The following NAALADL2 variants were observed in gnomAD, a reference collection of about 807,000 sequenced individuals.
NAALADL2 encodes N-acetylated alpha-linked acidic dipeptidase like 2.
In NAALADL2, 76 loss-of-function variants were observed where a neutral mutation model predicts 87.2. The ratio of observed to expected loss-of-function variants is 0.87; its 90% CI spans 0.72 to 1.05. NAALADL2 has a LOEUF of 1.05. NAALADL2 is among the 50% of genes least tolerant of loss of function. NAALADL2 has a pLI of 0.00. For synonymous variants in NAALADL2, 354 were observed against 331.0 expected (o/e 1.07, Z -0.75); for missense variants, 1,089 against 945.8 (o/e 1.15, Z -1.99).
chr3:175,688,137 A>G (rs1295416261), intron 11 of NAALADL2, among the ~76,000 whole-genome samples: 1 of 152,150 alleles, frequency 6.6e-6, no homozygotes, highest in Non-Finnish European at 1.5e-5. Context: ...AAGGTCCTGT[A>G]TGTAAGCTCT....
intron 5 of NAALADL2, among the ~76,000 whole-genome samples, chr3:175,419,952 A>C (rs1418201561): frequency 2.0e-5 from 3 of 152,030 alleles, no homozygotes; most frequent in African/African-American, 7.2e-5. Context: ...TACAAAGGCA[A>C]GGTTTATCTG....
chr3:175,347,493 A>G (rs1171802078), intron 5 of NAALADL2, among the ~76,000 whole-genome samples: 1 of 152,154 alleles, frequency 6.6e-6, no homozygotes, highest in Admixed American at 6.6e-5. Context: ...GGAATATACT[A>G]CACAATCACA....
At chr3:174,832,601 A>G (rs1722856165) in intron 3 of NAALADL2, among the ~76,000 whole-genome samples, 1 of 152,122 alleles carries the variant, frequency 6.6e-6, no homozygotes, top group Non-Finnish European at 1.5e-5. Context: ...AGCTGAGACT[A>G]CAGGTGGCTG....
chr3:174,609,208 T>C lies in NAALADL2; in HGVS notation c.-115+58571T>C, dbSNP rs564086954. ...TATGACAACCCCACAGCCAATATCA[T>C]ATTGAATGGGCAAAAACTGGAAGCA... On this transcript the variant is annotated intron_variant, in intron 2 of 3. Transcript: ENST00000434257. 4.9e-3 allele frequency among the ~76,000 whole-genome samples: 750 copies of C among 152,308 alleles called. 5 individuals carry two copies. Among genetic ancestry groups the C allele is most frequent in the African/African-American group, 0.017 (712 of 41,576 alleles).
chr3:174,946,430 T>C (rs940830950), intron 1 of NAALADL2, among the ~76,000 whole-genome samples: 9 of 152,252 alleles, frequency 5.9e-5, no homozygotes, highest in South Asian at 2.1e-4. Flanking sequence ...CAAAGTGTAA[T>C]GTTTATGTCA....
intron 2 of NAALADL2, among the ~76,000 whole-genome samples, chr3:175,217,031 A>G (rs1742664203): frequency 6.6e-6 from 1 of 152,182 alleles, no homozygotes; most frequent in Admixed American, 6.6e-5. Flanking sequence ...GAAGGAAACA[A>G]GTTTTCAACC....
chr3:174,546,906 T>C (rs543778520), intron 1 of NAALADL2, among the ~76,000 whole-genome samples: 7 of 152,278 alleles, frequency 4.6e-5, no homozygotes, highest in African/African-American at 1.7e-4. Context: ...GAATATTGTA[T>C]CTTGTTTCCT....
intron 1 of NAALADL2, among the ~76,000 whole-genome samples, chr3:174,526,306 T>C (rs997538434): frequency 4.6e-5 from 7 of 152,198 alleles, no homozygotes; most frequent in African/African-American, 1.7e-4. Flanking sequence ...CTCATTAGCA[T>C]TGGGAACCTA....
At chr3:175,432,428 A>T (rs190050341) in intron 5 of NAALADL2, among the ~76,000 whole-genome samples, 2 of 152,134 alleles carry the variant, frequency 1.3e-5, no homozygotes, top group East Asian at 3.9e-4. Flanking sequence ...AAAACTCCAT[A>T]AAAATCTCCC....
intron 6 of NAALADL2, among the ~76,000 whole-genome samples, chr3:175,459,628 G>C (rs1040293639): frequency 3.3e-5 from 5 of 152,000 alleles, no homozygotes; most frequent in African/African-American, 9.7e-5. Flanking sequence ...AATTCTAAAA[G>C]TTTCTACAGT....
chr3:174,470,863 C>T (rs1191871576), intron 1 of NAALADL2, among the ~76,000 whole-genome samples: 1 of 152,140 alleles, frequency 6.6e-6, no homozygotes, highest in Non-Finnish European at 1.5e-5. Context: ...TGTATAGATG[C>T]TCCATCATTA....
intron 9 of NAALADL2, among the ~76,000 whole-genome samples, chr3:175,473,660 A>T (rs1725230879): frequency 6.6e-6 from 1 of 151,962 alleles, no homozygotes; most frequent in South Asian, 2.1e-4. Context: ...TACATTTTAT[A>T]AACAACTCAA....
chr3:175,350,408 C>T (rs2064575939), intron 5 of NAALADL2, among the ~76,000 whole-genome samples: 1 of 152,084 alleles, frequency 6.6e-6, no homozygotes, highest in South Asian at 2.1e-4. Flanking sequence ...GGTTTTTCTT[C>T]CGTTCATACT....
At chr3:175,718,646 C>T (rs990085826) in intron 11 of NAALADL2, 3 of 1,586,262 alleles carry the variant, frequency 1.9e-6, no homozygotes, top group Non-Finnish European at 1.7e-6. Context: ...GACTTTTACT[C>T]CCGAGCCCGT....
chr3:174,573,840 T>C (rs1210992728), intron 2 of NAALADL2, among the ~76,000 whole-genome samples: 1 of 152,130 alleles, frequency 6.6e-6, no homozygotes, highest in East Asian at 1.9e-4. Context: ...CCTCCAACAA[T>C]GGGGATCAGA....
chr3:175,692,818 G>A (rs772749465), intron 11 of NAALADL2, among the ~76,000 whole-genome samples: 1 of 152,116 alleles, frequency 6.6e-6, no homozygotes, highest in South Asian at 2.1e-4. Flanking sequence ...TTTTCCATCA[G>A]TCTTAGCTAA....
At chr3:175,029,261 C>T (rs528557298) in intron 1 of NAALADL2, among the ~76,000 whole-genome samples, 11 of 152,100 alleles carry the variant, frequency 7.2e-5, no homozygotes, top group African/African-American at 1.9e-4. Context: ...CATTCTTTCA[C>T]GTCTCTCTTG....
At chr3:175,085,521 A>G (rs980617335) in intron 1 of NAALADL2, among the ~76,000 whole-genome samples, 7 of 152,208 alleles carry the variant, frequency 4.6e-5, no homozygotes, top group Non-Finnish European at 1.0e-4. Context: ...TACTCAGGAA[A>G]CAAAGAGACC....
At chr3:175,632,921 T>G (rs1347986235) in intron 11 of NAALADL2, among the ~76,000 whole-genome samples, 2 of 152,120 alleles carry the variant, frequency 1.3e-5, no homozygotes, top group Non-Finnish European at 2.9e-5. Flanking sequence ...CTCAGTGGCA[T>G]TAGCCATAAT....
Sources: gnomAD v4.1 joint callset for allele counts (sites outside exome capture counted in the v4.1 genomes callset) on GRCh38, gnomAD v4.1.1 for gene constraint, MANE v1.5 for transcripts, NCBI Gene and HGNC (gene_info 2026-07-23, HGNC 2026-07-21) for gene names.